The following DGKB variants were observed in gnomAD, a reference collection of about 807,000 sequenced individuals.
DGKB encodes the protein 90 kDa diacylglycerol kinase.
DGKB carries 67 observed loss-of-function variants against 114.3 expected under a neutral mutation model. The observed-to-expected ratio is 0.59, with a 90% CI of 0.48 to 0.72. The LOEUF is 0.72. DGKB is among the 30% of genes least tolerant of loss of function. The pLI is 0.00. For synonymous variants in DGKB, 398 were observed against 323.1 expected (o/e 1.23, Z -2.49); for missense variants, 907 against 975.2 (o/e 0.93, Z 0.93).
At chr7:14,972,044 C>G (rs991153909) in intron 1 of DGKB, among the ~76,000 whole-genome samples, 15 of 151,982 alleles carry the variant, frequency 9.9e-5, no homozygotes, top group African/African-American at 3.6e-4. Context: ...CCATGCCTGA[C>G]CTATTGAAGG....
intron 23 of DGKB, among the ~76,000 whole-genome samples, chr7:14,329,294 T>TA (rs1004127092): frequency 1.3e-5 from 2 of 151,822 alleles, no homozygotes; most frequent in Non-Finnish European, 2.9e-5. Context: ...AATCAAGTGC[T>TA]AGAGTGTGGC....
At chr7:14,756,915 A>C (rs1834957798) in intron 3 of DGKB, among the ~76,000 whole-genome samples, 1 of 152,110 alleles carries the variant, frequency 6.6e-6, no homozygotes, top group South Asian at 2.1e-4. Flanking sequence ...CGAACATTTA[A>C]AATGTAACAT....
chr7:14,627,953 A>AAAC (rs1808932719), intron 14 of DGKB, among the ~76,000 whole-genome samples: 2 of 37,080 alleles, frequency 5.4e-5, no homozygotes, highest in African/African-American at 1.1e-4. Flanking sequence ...AAAAAAACAA[A>AAAC]AAAAAAAAAC....
At position 14,801,272 on chromosome 7, in the gene DGKB, T is replaced by A. The variant is rs1842112526; in HGVS notation, c.70+39922A>T. On this transcript the variant is annotated intron_variant, in intron 2 of 25. Coordinates refer to ENST00000402815, the MANE Select transcript of DGKB (RefSeq NM_001350709.2). ...TTCAGTTGTATGCAGGATAGTTGCA[T>A]CATGTTAGGCAGAATTATGATCTTG... 1.3e-5 allele frequency among the ~76,000 whole-genome samples: 2 copies of A among 152,172 alleles called. 1 individual carries two copies. Among genetic ancestry groups the A allele is most frequent in the South Asian group, 4.1e-4 (2 of 4,832 alleles).
At chr7:14,314,080 T>C (rs975605984) in intron 23 of DGKB, among the ~76,000 whole-genome samples, 3 of 152,168 alleles carry the variant, frequency 2.0e-5, no homozygotes, top group East Asian at 1.9e-4. Context: ...TCCTGTCTGT[T>C]AGAAGGAAAA....
chr7:14,497,622 A>C (rs764951003), intron 20 of DGKB, among the ~76,000 whole-genome samples: 1 of 151,912 alleles, frequency 6.6e-6, no homozygotes, highest in Non-Finnish European at 1.5e-5. Flanking sequence ...CAGAGCACCA[A>C]ATGGCCTGGA....
intron 2 of DGKB, among the ~76,000 whole-genome samples, chr7:14,783,707 C>T (rs1365189479): frequency 5.3e-5 from 8 of 152,164 alleles, no homozygotes; most frequent in Non-Finnish European, 7.3e-5. Context: ...CCTTTCTCCA[C>T]AGACTGTACA....
intron 14 of DGKB, among the ~76,000 whole-genome samples, chr7:14,624,897 G>A (rs1414586567): frequency 1.3e-5 from 2 of 152,070 alleles, no homozygotes; most frequent in Non-Finnish European, 2.9e-5. Context: ...TACTCTGGAA[G>A]CTGAAGTGGG....
chr7:14,329,777 T>G (rs1431215172), intron 23 of DGKB, among the ~76,000 whole-genome samples: 2 of 152,070 alleles, frequency 1.3e-5, no homozygotes, highest in Non-Finnish European at 2.9e-5. Flanking sequence ...CTGGAAACTT[T>G]ATGTGTCTAC....
chr7:14,812,166 TTTTG>T (rs1843533077), intron 2 of DGKB, among the ~76,000 whole-genome samples: 1 of 152,202 alleles, frequency 6.6e-6, no homozygotes, highest in Non-Finnish European at 1.5e-5. Context: ...ATAAGCTACA[TTTTG>T]TTTATCAAAT....
At chr7:14,577,220 A>AT in intron 19 of DGKB, among the ~76,000 whole-genome samples, 1 of 152,278 alleles carries the variant, frequency 6.6e-6, no homozygotes, top group South Asian at 2.1e-4. Flanking sequence ...ATTAATATTT[A>AT]TTTTATATTT....
chr7:14,210,267 T>C (rs934015572), intron 23 of DGKB, among the ~76,000 whole-genome samples: 1 of 152,040 alleles, frequency 6.6e-6, no homozygotes, highest in Non-Finnish European at 1.5e-5. Context: ...CAGCAATGCC[T>C]CCGTTACTGG....
At chr7:14,342,053 C>CT (rs1248383405) in intron 22 of DGKB, among the ~76,000 whole-genome samples, 1 of 151,808 alleles carries the variant, frequency 6.6e-6, no homozygotes, top group Non-Finnish European at 1.5e-5. Flanking sequence ...GGAACTCTGG[C>CT]TATTGCCTCT....
intron 5 of DGKB, among the ~76,000 whole-genome samples, chr7:14,734,954 G>A (rs892664360): frequency 6.6e-6 from 1 of 152,132 alleles, no homozygotes; most frequent in Non-Finnish European, 1.5e-5. Flanking sequence ...TGGGGCGGTG[G>A]GGTGGGGAGT....
At chr7:14,283,999 A>C (rs377322948) in intron 23 of DGKB, among the ~76,000 whole-genome samples, 20 of 152,240 alleles carry the variant, frequency 1.3e-4, no homozygotes, top group African/African-American at 3.9e-4. Context: ...GCAACAAAAG[A>C]CAAAATTGAC....
At chr7:14,542,986 G>A (rs1793710760) in intron 20 of DGKB, among the ~76,000 whole-genome samples, 1 of 152,162 alleles carries the variant, frequency 6.6e-6, no homozygotes, top group Admixed American at 6.5e-5. Flanking sequence ...GGAAAGATAT[G>A]GATATGTCAG....
intron 13 of DGKB, among the ~76,000 whole-genome samples, chr7:14,643,148 A>G (rs1812150657): frequency 6.6e-6 from 1 of 152,204 alleles, no homozygotes; most frequent in African/African-American, 2.4e-5. Flanking sequence ...TGATGGCACA[A>G]TAAAAATAAA....
intron 23 of DGKB, among the ~76,000 whole-genome samples, chr7:14,252,889 G>C (rs1270256784): frequency 6.6e-6 from 1 of 152,130 alleles, no homozygotes; most frequent in African/African-American, 2.4e-5. Flanking sequence ...ACAAACTAGT[G>C]TTGCGTGTAA....
chr7:14,168,415 G>A, intron 25 of DGKB, among the ~76,000 whole-genome samples: 1 of 152,130 alleles, frequency 6.6e-6, no homozygotes, highest in East Asian at 1.9e-4. Context: ...AATAGCTGGA[G>A]ATGTGCCGAT....
Sources: gnomAD v4.1 joint callset for allele counts (sites outside exome capture counted in the v4.1 genomes callset) on GRCh38, gnomAD v4.1.1 for gene constraint, MANE v1.5 for transcripts, NCBI Gene and HGNC (gene_info 2026-07-23, HGNC 2026-07-21) for gene names.